Variants in KIF21A observed in about 807,000 individuals in gnomAD.
KIF21A encodes kinesin family member 21A.
KIF21A carries 114 observed loss-of-function variants against 202.9 expected under a neutral mutation model. The ratio of observed to expected loss-of-function variants is 0.56; its 90% CI spans 0.48 to 0.66. KIF21A has a LOEUF of 0.66. Ranked by LOEUF, KIF21A falls within the 30% of genes least tolerant of loss-of-function variation. The pLI is 0.00. For missense variants in KIF21A, 1,677 were observed against 1,994.9 expected, an observed-to-expected ratio of 0.84 and a Z score of 3.04; for synonymous variants, 667 against 670.8, an observed-to-expected ratio of 0.99 and a Z score of 0.09.
chr12:39,342,498 A>G lies in KIF21A; in HGVS notation c.1713-374T>C, dbSNP rs184597300. On this transcript the variant is annotated intron_variant, in intron 12 of 37. Coordinates refer to ENST00000361418, the MANE Select transcript of KIF21A (RefSeq NM_001173464.2). Reference sequence around the variant, plus strand: ...TTGTTTTCTCATCTGAATACAAAAAAACTTCTCTCATATAAATACAAAGAT... The same window carrying G: ...TTGTTTTCTCATCTGAATACAAAAAGACTTCTCTCATATAAATACAAAGAT... Among the ~76,000 whole-genome samples the G allele has an allele frequency of 9.2e-4, 140 of 152,308 alleles. 3 individuals carry two copies. Among genetic ancestry groups the G allele is most frequent in the Non-Finnish European group, 1.7e-3 (115 of 68,016 alleles).
intron 6 of KIF21A, 69 bp from the exon 7 acceptor site, chr12:39,363,282 A>G: frequency 1.1e-6 from 1 of 905,060 alleles, no homozygotes; most frequent in South Asian, 1.4e-5. Flanking sequence ...TTAAATAAAG[A>G]AAGTTTACAG....
At chr12:39,346,765 GTA>G (rs1268842758) in intron 11 of KIF21A, among the ~76,000 whole-genome samples, 18 of 151,928 alleles carry the variant, frequency 1.2e-4, no homozygotes, top group Non-Finnish European at 2.2e-4. Context: ...GCAGCAAAAT[GTA>G]TAGTCTCAAT....
Position 39,351,789 on chromosome 12 carries a change from CTCTTT to C in KIF21A, c.1656_1660del (p.Lys553GlufsTer9), listed in dbSNP as rs778741891. 9 of 1,555,180 alleles carry C rather than the reference CTCTTT, an allele frequency of 5.8e-6. No individual in the cohort carries two copies. Among genetic ancestry groups the C allele is most frequent in the East Asian group, 2.2e-5 (1 of 44,506 alleles). On this transcript the variant is annotated frameshift_variant, in exon 11 of 38. Transcript: ENST00000361418. LOFTEE classifies it high-confidence loss of function. ...TTTATAATCCCACCTTTTTTTCTTC[CTCTTT>C]TCTTTTCTTTTCAACTTCTCTAAAT...
intron 1 of KIF21A, among the ~76,000 whole-genome samples, chr12:39,419,851 A>T (rs1050214010): frequency 1.3e-5 from 2 of 152,200 alleles, no homozygotes; most frequent in East Asian, 1.9e-4. Flanking sequence ...GAAATTGAAG[A>T]CCTAAAAGAA....
intron 31 of KIF21A, 36 bp from the exon 32 acceptor site, chr12:39,311,589 C>T: frequency 6.2e-7 from 1 of 1,610,330 alleles, no homozygotes; most frequent in Middle Eastern, 1.7e-4. Context: ...CCAAGACTCA[C>T]TTCAGTATCA....
chr12:39,294,156 T>C lies in KIF21A; in HGVS notation c.*268A>G, dbSNP rs1230270774. On this transcript the variant is annotated 3_prime_UTR_variant, in exon 38 of 38. Coordinates refer to ENST00000361418, the MANE Select transcript of KIF21A (RefSeq NM_001173464.2). ...ATAATTTGAAAGTGTGTTTTATAGA[T>C]AGGCACAAAAATTCAGCCACAATAA... The C allele has an allele frequency of 1.1e-5, 4 of 365,364 alleles. No individual in the cohort carries two copies. Among genetic ancestry groups the C allele is most frequent in the Admixed American group, 4.4e-5 (1 of 22,542 alleles). 22.6% of individuals were successfully genotyped at this position (365,364 alleles called of 1,614,324 possible).
At chr12:39,368,921 C>T (rs1272868931) in intron 3 of KIF21A, among the ~76,000 whole-genome samples, 1 of 152,080 alleles carries the variant, frequency 6.6e-6, no homozygotes, top group Non-Finnish European at 1.5e-5. Context: ...CCTAGATGTC[C>T]TCTTAGTGTT....
At chr12:39,327,953 CA>C (rs1946117540) in intron 24 of KIF21A, among the ~76,000 whole-genome samples, 1 of 152,138 alleles carries the variant, frequency 6.6e-6, no homozygotes, top group Non-Finnish European at 1.5e-5. Flanking sequence ...GGAAGTTAAC[CA>C]AACAGTTGGA....
chr12:39,325,351 AG>A (rs1349480412), intron 26 of KIF21A, among the ~76,000 whole-genome samples: 18 of 133,354 alleles, frequency 1.3e-4, no homozygotes, highest in African/African-American at 5.5e-4. Context: ...TTTTTTTTTG[AG>A]ACGGAGTCTC....
intron 37 of KIF21A, among the ~76,000 whole-genome samples, chr12:39,297,626 A>G (rs1942526018): frequency 6.6e-6 from 1 of 150,784 alleles, no homozygotes; most frequent in African/African-American, 2.4e-5. Flanking sequence ...TGGGAGATAT[A>G]CCTAATGCTA....
chr12:39,341,692 G>A (rs1947456257), intron 13 of KIF21A, 70 bp from the exon 14 acceptor site: 2 of 1,479,802 alleles, frequency 1.4e-6, no homozygotes, highest in Non-Finnish European at 1.8e-6. Flanking sequence ...ATTGAGAGAG[G>A]CTGCTGGAGT....
intron 1 of KIF21A, among the ~76,000 whole-genome samples, chr12:39,370,566 C>A (rs1383287238): frequency 6.6e-6 from 1 of 152,188 alleles, no homozygotes; most frequent in East Asian, 1.9e-4. Context: ...GAGGTAGACA[C>A]TCAGTCCAAT....
intron 1 of KIF21A, among the ~76,000 whole-genome samples, chr12:39,371,439 T>G (rs1252766516): frequency 1.3e-5 from 2 of 152,060 alleles, no homozygotes; most frequent in Non-Finnish European, 2.9e-5. Flanking sequence ...TCAAAATCTG[T>G]TTTCAAAGAA....
Position 39,307,719 on chromosome 12 carries a change from G to T in KIF21A, c.4288C>A (p.Gln1430Lys). Reference protein sequence around the residue: ...KCIRTLTSSGQVTLGDACSAS... With the variant: ...KCIRTLTSSGKVTLGDACSAS... Reference sequence around the variant, plus strand: ...GAACAAGCATCTCCAAGAGTAACTTGACCTGAAGACCTTAAGAGATACAAA... The same window carrying T: ...GAACAAGCATCTCCAAGAGTAACTTTACCTGAAGACCTTAAGAGATACAAA... The change falls in exon 34 of 38, where the codon CAA becomes AAA. Residue 1430 changes from glutamine (Q) to lysine (K), a missense_variant. By Grantham distance (53) the Gln-to-Lys change is moderately conservative. This residue lies in a region of KIF21A where 705 missense variants were observed against 791.9 expected (regional missense o/e 0.89). Transcript: ENST00000361418. The T allele has an allele frequency of 6.2e-7, 1 of 1,613,818 alleles. No individual in the cohort carries two copies. The highest frequency in any genetic ancestry group is 1.1e-5 in the South Asian group (1 of 91,058).
At chr12:39,368,166 C>G (rs538755966) in intron 3 of KIF21A, 134 bp from the exon 4 acceptor site, 1 of 618,778 alleles carries the variant, frequency 1.6e-6, no homozygotes, top group East Asian at 2.8e-5. Context: ...CAAAATAACA[C>G]ATTAAAATGA....
intron 1 of KIF21A, among the ~76,000 whole-genome samples, chr12:39,409,953 T>G (rs566317437): frequency 2.0e-5 from 3 of 151,998 alleles, no homozygotes; most frequent in African/African-American, 7.3e-5. Context: ...CACCTCAGCT[T>G]CCCAAGCAGC....
intron 1 of KIF21A, among the ~76,000 whole-genome samples, chr12:39,424,299 G>A (rs529711645): frequency 2.3e-4 from 35 of 152,092 alleles, no homozygotes; most frequent in South Asian, 1.0e-3. Flanking sequence ...ACTACTAACC[G>A]CTCTTCTCCA....
Position 39,426,415 on chromosome 12 carries a change from GAATA to G in KIF21A, c.44+16508_44+16511del, listed in dbSNP as rs545142317. Among the ~76,000 whole-genome samples, 22 of 152,232 alleles carry G rather than the reference GAATA, an allele frequency of 1.4e-4. No homozygotes were observed. The East Asian group carries it at 4.2e-3, about 29-fold the overall frequency. ...CATTTAACATATGTGATGAAAATAG[GAATA>G]AATTCATGGAGAGGTATTTTTAAAA... On this transcript the variant is annotated intron_variant, in intron 1 of 37. Coordinates refer to ENST00000361418, the MANE Select transcript of KIF21A (RefSeq NM_001173464.2).
At chr12:39,364,504 G>A (rs1367973964) in intron 6 of KIF21A, among the ~76,000 whole-genome samples, 4 of 152,128 alleles carry the variant, frequency 2.6e-5, no homozygotes, top group Non-Finnish European at 2.9e-5. Context: ...CCCACATGTC[G>A]GACCATCAAG....
Sources: gnomAD v4.1 joint callset for allele counts (sites outside exome capture counted in the v4.1 genomes callset) on GRCh38, gnomAD v4.1.1 for gene constraint, gnomAD v4.1.1 regional missense constraint, MANE v1.5 for transcripts, NCBI Gene and HGNC (gene_info 2026-07-23, HGNC 2026-07-21) for gene names.